Variants in TBCD observed in about 807,000 individuals in gnomAD.
TBCD encodes tubulin folding cofactor D, also known as tubulin-specific chaperone D.
A neutral mutation model predicts 169.3 loss-of-function variants in TBCD; 105 were observed. That is an observed-to-expected ratio of 0.62 (90% CI 0.53 to 0.73). The LOEUF (loss-of-function observed/expected upper bound fraction) is 0.73. Among genes scored for constraint, TBCD ranks in the 30% least tolerant of loss-of-function variants. The pLI is 0.00. For missense variants in TBCD, 1,444 were observed against 1,600.1 expected (o/e 0.90, Z 1.66); for synonymous variants, 700 against 643.9 (o/e 1.09, Z -1.32).
At chr17:82,828,156 C>G (rs1468225742) in intron 13 of TBCD, among the ~76,000 whole-genome samples, 1 of 141,826 alleles carries the variant, frequency 7.1e-6, no homozygotes, top group Non-Finnish European at 1.5e-5. Flanking sequence ...CACCCACAGA[C>G]ACACATGCAC....
At chr17:82,798,686 C>T (rs58050099) in intron 8 of TBCD, among the ~76,000 whole-genome samples, 171 of 152,302 alleles carry the variant, frequency 1.1e-3, no homozygotes, top group African/African-American at 3.5e-3. Context: ...CTTCTTGGGG[C>T]CCAGGAGCAG....
intron 13 of TBCD, chr17:82,859,737 A>C (rs986541262): frequency 8.2e-5 from 81 of 985,312 alleles, no homozygotes; most frequent in Non-Finnish European, 9.3e-5. Flanking sequence ...TCCAGTCCAC[A>C]GTGGGGGCTG....
chr17:82,825,812 T>G lies in TBCD; in HGVS notation c.1318+10878T>G, dbSNP rs554592613. Reference sequence around the variant, plus strand: ...AATCTACCATTCTTCGTTAAAAAATTTACAGGGCTGGGCGCCATGTCTCAC... The same window carrying G: ...AATCTACCATTCTTCGTTAAAAAATGTACAGGGCTGGGCGCCATGTCTCAC... On this transcript the variant is annotated intron_variant, in intron 13 of 38. Transcript: ENST00000355528. Among the ~76,000 whole-genome samples the G allele has an allele frequency of 2.0e-5, 3 of 152,314 alleles. No individual in the cohort carries two copies. In the South Asian group the frequency reaches 6.2e-4, roughly 32 times the overall value.
rs1471669400 is a variant in TBCD at position 82,942,591 on chromosome 17, C to G, written c.*128C>G. The G allele has an allele frequency of 7.9e-7, 1 of 1,268,758 alleles. No individual in the cohort carries two copies. The highest frequency in any genetic ancestry group is 1.5e-5 in the African/African-American group (1 of 67,562). The allele number at this position is 1,268,758 out of a possible 1,614,324, so 78.6% of individuals were successfully genotyped here. A position where few individuals can be genotyped will look rare whatever the true frequency, so the allele number is the denominator to read the frequency against. Reference sequence around the variant, plus strand: ...GAAGGGTAGCGCTGGCCCTTGGAGGCTGGCACTAGCTGACAGCTTTTCCTC... The same window carrying G: ...GAAGGGTAGCGCTGGCCCTTGGAGGGTGGCACTAGCTGACAGCTTTTCCTC... On this transcript the variant is annotated 3_prime_UTR_variant, in exon 39 of 39. Coordinates refer to ENST00000355528, the MANE Select transcript of TBCD (RefSeq NM_005993.5).
At chr17:82,826,950 T>C (rs1041728112) in intron 13 of TBCD, among the ~76,000 whole-genome samples, 2 of 152,122 alleles carry the variant, frequency 1.3e-5, no homozygotes, top group South Asian at 2.1e-4. Flanking sequence ...TGACTATTTT[T>C]ATTAGAGACG....
chr17:82,875,500 C>A (rs964863996), intron 14 of TBCD, among the ~76,000 whole-genome samples: 1 of 152,224 alleles, frequency 6.6e-6, no homozygotes, highest in Non-Finnish European at 1.5e-5. Context: ...GTAAGCAGCT[C>A]ATGTTGACAT....
chr17:82,929,112 G>T lies in TBCD; in HGVS notation c.2694-1G>T. 1 of 1,609,100 alleles carries T rather than the reference G, an allele frequency of 6.2e-7. No homozygotes were observed. On this transcript the variant is annotated splice_acceptor_variant, in intron 30 of 38. Coordinates refer to ENST00000355528, the MANE Select transcript of TBCD (RefSeq NM_005993.5). LOFTEE classifies it high-confidence loss of function. ...GTTTACCTCCTGCTCTCGGTTTGCA[G>T]CTGTGAGCGCATCATGTGCTGTGTG...
intron 13 of TBCD, among the ~76,000 whole-genome samples, chr17:82,868,097 T>A (rs2057303881): frequency 6.6e-6 from 1 of 152,066 alleles, no homozygotes; most frequent in Admixed American, 6.5e-5. Flanking sequence ...GGTGGTCCGG[T>A]CCTGTAGAGG....
At chr17:82,786,890 C>T (rs1397454894) in intron 7 of TBCD, among the ~76,000 whole-genome samples, 1 of 135,762 alleles carries the variant, frequency 7.4e-6, no homozygotes, top group African/African-American at 2.8e-5. Context: ...TCTGTTCTTC[C>T]ATCCCAAGTG....
rs146163640 is a variant in TBCD, at chr17:82,762,453, A to C, written c.236-1512A>C. On this transcript the variant is annotated intron_variant, in intron 2 of 38. Coordinates refer to ENST00000355528, the MANE Select transcript of TBCD (RefSeq NM_005993.5). ...GTAGCAGAAAGTGTCTTACTTGTAG[A>C]AAGTGTATGACTTGGCCAGGCGCGG... Among the ~76,000 whole-genome samples, 1,082 of 152,194 alleles carry C rather than the reference A, an allele frequency of 7.1e-3. 16 individuals are homozygous for C. Among genetic ancestry groups the C allele is most frequent in the African/African-American group, 0.024 (986 of 41,544 alleles).
chr17:82,941,273 T>G (rs2063215745), intron 37 of TBCD, 126 bp from the exon 38 acceptor site: 1 of 737,498 alleles, frequency 1.4e-6, no homozygotes, highest in African/African-American at 1.8e-5. Flanking sequence ...TCAGCCTGGC[T>G]ATGGATGTCG....
chr17:82,790,386 A>AGGGTG (rs2049623515), intron 7 of TBCD, among the ~76,000 whole-genome samples: 2 of 151,970 alleles, frequency 1.3e-5, no homozygotes, highest in African/African-American at 4.8e-5. Context: ...GCCTGGGTAA[A>AGGGTG]GCGTGGCCTC....
rs749860401 is a variant in TBCD at position 82,926,488 on chromosome 17, C to G, written c.2468C>G (p.Ala823Gly). The change falls in exon 28 of 39, where the codon GCG (alanine) becomes GGG (glycine). Residue 823 changes from alanine to glycine, a missense_variant. Coordinates refer to ENST00000355528, the MANE Select transcript of TBCD (RefSeq NM_005993.5). ...AGGAGAGACGGCTTGAAGGCCATTG[C>G]GAGGTGAGTCCCAACAGTTCCTCCC... ...ESRRDGLKAI[A>G]RICQTVGVKA... 8 of 1,613,548 alleles carry G rather than the reference C, an allele frequency of 5.0e-6. No homozygotes were observed. Among genetic ancestry groups the G allele is most frequent in the Non-Finnish European group, 5.9e-6 (7 of 1,179,638 alleles).
intron 13 of TBCD, among the ~76,000 whole-genome samples, chr17:82,868,227 C>T (rs2071708074): frequency 6.6e-6 from 1 of 152,188 alleles, no homozygotes; most frequent in Non-Finnish European, 1.5e-5. Context: ...GGGGGCACCA[C>T]ACCGGAGGAC....
At chr17:82,862,911 G>A (rs2056888150) in intron 13 of TBCD, among the ~76,000 whole-genome samples, 1 of 152,234 alleles carries the variant, frequency 6.6e-6, no homozygotes, top group African/African-American at 2.4e-5. Context: ...GCGTGCGGGT[G>A]TGACTGTCGA....
intron 13 of TBCD, among the ~76,000 whole-genome samples, chr17:82,849,952 C>G (rs62073995): frequency 0.029 from 1,621 of 55,238 alleles, 114 homozygotes; most frequent in African/African-American, 0.066. Context: ...GCTGTTGTTG[C>G]CTGTGCTGCT....
At chr17:82,758,108 G>A (rs1450712238) in intron 2 of TBCD, among the ~76,000 whole-genome samples, 2 of 152,008 alleles carry the variant, frequency 1.3e-5, no homozygotes, top group African/African-American at 2.4e-5. Flanking sequence ...ACTGTTTTTC[G>A]CCGGGTGTGG....
chr17:82,766,583 A>G (rs2048028903), intron 4 of TBCD, among the ~76,000 whole-genome samples: 1 of 152,100 alleles, frequency 6.6e-6, no homozygotes, highest in Admixed American at 6.5e-5. Context: ...CCCCTTTATA[A>G]AAAAAATTAT....
chr17:82,944,228 T>A lies in TBCD; in HGVS notation c.*1765T>A, dbSNP rs1036572113. 3.9e-5 allele frequency: 6 copies of A among 151,998 alleles called. No individual in the cohort carries two copies. Among genetic ancestry groups the A allele is most frequent in the African/African-American group, 1.4e-4 (6 of 41,412 alleles). 9.4% of individuals were successfully genotyped at this position (151,998 alleles called of 1,614,324 possible). Reference sequence around the variant, plus strand: ...TTCTTCTTTTAATGTCGGTCTAACTTAGCAACCCGAGGAAAGTGGATCACT... The same window carrying A: ...TTCTTCTTTTAATGTCGGTCTAACTAAGCAACCCGAGGAAAGTGGATCACT... On this transcript the variant is annotated 3_prime_UTR_variant, in exon 39 of 39. Coordinates refer to ENST00000355528, the MANE Select transcript of TBCD (RefSeq NM_005993.5).
Sources: gnomAD v4.1 joint callset for allele counts (sites outside exome capture counted in the v4.1 genomes callset) on GRCh38, gnomAD v4.1.1 for gene constraint, MANE v1.5 for transcripts, NCBI Gene and HGNC (gene_info 2026-07-23, HGNC 2026-07-21) for gene names.